Variants in MUC5B observed in about 807,000 individuals in gnomAD.
The protein encoded by MUC5B is mucin 5B, oligomeric mucus/gel-forming.
Under a neutral mutation model 376.9 loss-of-function variants are expected in MUC5B, and 116 were observed. The ratio of observed to expected loss-of-function variants is 0.31; its 90% CI spans 0.26 to 0.36. The LOEUF (loss-of-function observed/expected upper bound fraction) is 0.36. Among genes scored for constraint, MUC5B ranks in the 10% least tolerant of loss-of-function variants. The pLI, the probability that MUC5B is intolerant of heterozygous loss-of-function variation, is 1.00. For synonymous variants in MUC5B, 3,517 were observed against 3,390.9 expected (o/e 1.04, Z -1.29); for missense variants, 7,165 against 7,769.9 (o/e 0.92, Z 2.93).
chr11:1,251,498 C>T lies in MUC5B; in HGVS notation c.14618C>T (p.Thr4873Ile), dbSNP rs762438946. 14 of 1,613,252 alleles carry T rather than the reference C, an allele frequency of 8.7e-6. No individual in the cohort carries two copies. The African/African-American group carries it at 9.3e-5, about 11-fold the overall frequency. ...GCCACCGCCTCCTCCACTCTGGGAA[C>T]AGCTCACACCCCCAAAGTGGTGACC... is the stretch of plus-strand genomic sequence containing the variant. ...STATASSTLG[T>I]AHTPKVVTTM... is the part of the protein sequence containing the mutation. Residue 4873 changes from threonine (T) to isoleucine (I), a missense_variant, in exon 31 of 49, where the codon ACA becomes ATA. Thr to Ile is a moderately conservative substitution (Grantham distance 89). Around this residue, in one of 31 missense-constraint regions of MUC5B, gnomAD observed 730 missense variants for 592.7 expected, o/e 1.23. Transcript: ENST00000529681.
intron 34 of MUC5B, among the ~76,000 whole-genome samples, 164 bp downstream of exon 34, chr11:1,254,515 C>T (rs912416454): frequency 1.3e-5 from 2 of 152,194 alleles, no homozygotes; most frequent in African/African-American, 4.8e-5. Flanking sequence ...GCCGAGCGCA[C>T]CCTGTGGCCT....
chr11:1,224,743 G>A (rs113075314), intron 1 of MUC5B, among the ~76,000 whole-genome samples: 5 of 152,112 alleles, frequency 3.3e-5, no homozygotes, highest in South Asian at 2.1e-4. Context: ...CTCTGGAGGC[G>A]GCCCCTGTGG....
rs752167660 is a variant in MUC5B at position 1,249,463 on chromosome 11, C to A, written c.12583C>A (p.Leu4195Met). ...GELGQVVECS[L>M]DFGLVCRNRE... is the part of the protein sequence containing the mutation. ...GTTGGGCCAGGTCGTGGAATGCAGC[C>A]TGGACTTTGGCCTGGTCTGCAGGAA... The change falls in exon 31 of 49, where the codon CTG becomes ATG. Residue 4195 changes from leucine (L) to methionine (M), a missense_variant. Around this residue, in one of 31 missense-constraint regions of MUC5B, gnomAD observed 38 missense variants for 72.5 expected, o/e 0.52. Coordinates refer to ENST00000529681, the MANE Select transcript of MUC5B (RefSeq NM_002458.3). 1.9e-6 allele frequency: 3 copies of A among 1,611,350 alleles called. No homozygotes were observed. In the East Asian group the frequency reaches 6.7e-5, roughly 36 times the overall value.
At chr11:1,232,266 G>A in intron 15 of MUC5B, 106 bp downstream of exon 15, 1 of 1,402,044 alleles carries the variant, frequency 7.1e-7, no homozygotes, top group African/African-American at 1.4e-5. Context: ...GGGACCCCAT[G>A]GAGGCAGGTG....
rs1862757193 is a variant in MUC5B at position 1,253,513 on chromosome 11, C to G, written c.15217+533C>G. 6.6e-6 allele frequency among the ~76,000 whole-genome samples: 1 copy of G among 152,186 alleles called. No individual in the cohort carries two copies. The highest frequency in any genetic ancestry group is 2.4e-5 in the African/African-American group (1 of 41,432). On this transcript the variant is annotated intron_variant, in intron 33 of 48. Coordinates refer to ENST00000529681, the MANE Select transcript of MUC5B (RefSeq NM_002458.3). This position sits in a 1 kb window ranked among gnomAD's most constrained non-coding sequence, Gnocchi z 4.3. Reference sequence around the variant, plus strand: ...ACGGCGTTCTCACTCCTCCCCATGTCCTTGGCCCAGGGCTGCTGTTCCAAA... The same window carrying G: ...ACGGCGTTCTCACTCCTCCCCATGTGCTTGGCCCAGGGCTGCTGTTCCAAA...
At position 1,245,966 on chromosome 11, in the gene MUC5B, C is replaced by A. The variant is rs374036948; in HGVS notation, c.9086C>A (p.Ala3029Asp). The change falls in exon 31 of 49, where the codon GCC (alanine) becomes GAC (aspartate). Residue 3029 changes from alanine (A) to aspartate (D), a missense_variant. Transcript: ENST00000529681. ...APPPKVLTST[A>D]TTPTATSSKA... ...CCTCCCAAAGTGCTGACCAGCACGG[C>A]CACCACACCCACAGCCACCAGTTCC... 2 of 1,613,126 alleles carry A rather than the reference C, an allele frequency of 1.2e-6. No homozygotes were observed. The highest frequency in any genetic ancestry group is 1.7e-6 in the Non-Finnish European group (2 of 1,179,774).
At position 1,258,297 on chromosome 11, in the gene MUC5B, A is replaced by T. The variant is rs55954116; in HGVS notation, c.16556-33A>T. The T allele has an allele frequency of 0.04, 65,152 of 1,609,590 alleles. 2,093 individuals are homozygous for T. Among genetic ancestry groups the T allele is most frequent in the African/African-American group, 0.16 (12,285 of 74,916 alleles). On this transcript the variant is annotated intron_variant, in intron 42 of 48. Transcript: ENST00000529681. The surrounding 1 kb of genome is among the most constrained non-coding windows in gnomAD (Gnocchi z 5.5). ...GGCGCTGGAGCACATGCTCCCCACC[A>T]CTTGTCGAGGGCTTAGCTCCCTTTC...
chr11:1,231,163 A>T (rs902013334), intron 13 of MUC5B, among the ~76,000 whole-genome samples, 158 bp downstream of exon 13: 1 of 151,860 alleles, frequency 6.6e-6, no homozygotes, highest in South Asian at 2.1e-4. Flanking sequence ...CAGAGTGGGG[A>T]TGCCAGGCTC....
chr11:1,236,855 G>A, intron 24 of MUC5B, 70 bp from the exon 25 acceptor site: 8 of 1,396,650 alleles, frequency 5.7e-6, no homozygotes, highest in Non-Finnish European at 7.4e-6. Flanking sequence ...CCCAGGGTGG[G>A]CTCTGTGCTG....
Position 1,254,849 on chromosome 11 carries a change from C to A in MUC5B, c.15633C>A (p.Ser5211Arg). The change falls in exon 35 of 49, where the codon AGC becomes AGA. Residue 5211 changes from serine to arginine, a missense_variant. Physicochemically the swap from Ser to Arg is moderately radical, Grantham distance 110. Around this residue, in one of 31 missense-constraint regions of MUC5B, gnomAD observed 842 missense variants for 1,016.9 expected, o/e 0.83. Transcript: ENST00000529681. ...TCTTCCAGGCCCGGCTGCCCTACAG[C>A]CTCTTCCACAACAACACCGAGGGCC... ...GQVFQARLPYSLFHNNTEGQC... is the reference protein window; with the variant it reads ...GQVFQARLPYRLFHNNTEGQC... 1 of 1,612,176 alleles carries A rather than the reference C, an allele frequency of 6.2e-7. No homozygotes were observed. Among genetic ancestry groups the A allele is most frequent in the East Asian group, 2.2e-5 (1 of 44,882 alleles).
Position 1,240,410 on chromosome 11 carries a change from C to T in MUC5B, c.3970+35C>T, listed in dbSNP as rs2735733. 698,316 of 1,540,660 alleles carry T rather than the reference C, an allele frequency of 0.45. 161,191 individuals are homozygous for T. The highest frequency in any genetic ancestry group is 0.69 in the East Asian group (30,518 of 44,044). On this transcript the variant is annotated intron_variant, in intron 30 of 48. Transcript: ENST00000529681. ...GCCTGGCTCTCCTGAGGCCCAGTAC[C>T]GTCTGGGTGACAAGGAGGACCCCCT...
At chr11:1,261,366 TG>T in intron 48 of MUC5B, 22 bp from the exon 49 acceptor site, 1 of 1,532,546 alleles carries the variant, frequency 6.5e-7, no homozygotes. Context: ...GTGGCTGATG[TG>T]AGGGCCACCC....
chr11:1,234,485 AC>A lies in MUC5B; in HGVS notation c.2479-41del. ...CCCAGAGGGTGAGTGACATCTGCCCACCCTGGTGTCCAGCCCTGACCGGTAC... is the reference window on the plus strand; with the variant it reads ...CCCAGAGGGTGAGTGACATCTGCCCACCTGGTGTCCAGCCCTGACCGGTAC... On this transcript the variant is annotated intron_variant, in intron 20 of 48. Coordinates refer to ENST00000529681, the MANE Select transcript of MUC5B (RefSeq NM_002458.3). The surrounding 1 kb of genome is among the most constrained non-coding windows in gnomAD (Gnocchi z 6.3). 1.3e-6 allele frequency: 2 copies of A among 1,553,834 alleles called. No homozygotes were observed. Among genetic ancestry groups the A allele is most frequent in the South Asian group, 2.4e-5 (2 of 83,960 alleles).
chr11:1,242,405 A>G lies in MUC5B; in HGVS notation c.5525A>G (p.Gln1842Arg), dbSNP rs771855599. ...AENYPEVSID[Q>R]VGQVLTCSLE... is the part of the protein sequence containing the mutation. ...AACTACCCCGAGGTAAGCATCGACC[A>G]GGTCGGGCAGGTGCTGACCTGCAGC... Residue 1842 changes from glutamine (Q) to arginine (R), a missense_variant, in exon 31 of 49, where the codon CAG (glutamine) becomes CGG (arginine). Gln to Arg is a conservative substitution (Grantham distance 43). This residue lies in a region of MUC5B where 897 missense variants were observed against 779.6 expected (regional missense o/e 1.15). Coordinates refer to ENST00000529681, the MANE Select transcript of MUC5B (RefSeq NM_002458.3). 4 of 1,613,886 alleles carry G rather than the reference A, an allele frequency of 2.5e-6. No homozygotes were observed. Among genetic ancestry groups the G allele is most frequent in the Admixed American group, 3.3e-5 (2 of 60,010 alleles).
At chr11:1,259,879 C>T in intron 45 of MUC5B, 37 bp downstream of exon 45, 1 of 1,611,886 alleles carries the variant, frequency 6.2e-7, no homozygotes, top group Non-Finnish European at 8.5e-7. Context: ...GTCTCAGCTC[C>T]CTCCCTGGAG....
At chr11:1,259,111 C>T in intron 44 of MUC5B, 50 bp downstream of exon 44, 1 of 1,520,288 alleles carries the variant, frequency 6.6e-7, no homozygotes, top group Non-Finnish European at 8.8e-7. Flanking sequence ...GCACCTGCCC[C>T]CAAGTGAGAC....
intron 1 of MUC5B, among the ~76,000 whole-genome samples, chr11:1,224,301 T>C (rs1234431624): frequency 6.6e-6 from 1 of 152,098 alleles, no homozygotes; most frequent in Non-Finnish European, 1.5e-5. Context: ...AAGGCAGCCC[T>C]GCACAGAGCA....
intron 9 of MUC5B, 39 bp from the exon 10 acceptor site, chr11:1,229,651 C>G: frequency 1.3e-6 from 2 of 1,501,334 alleles, no homozygotes; most frequent in East Asian, 2.5e-5. Context: ...TGGTGTCCCC[C>G]GTGCATGGGC....
chr11:1,226,571 G>C (rs756741044), intron 3 of MUC5B, 44 bp from the exon 4 acceptor site: 66 of 1,577,206 alleles, frequency 4.2e-5, no homozygotes, highest in African/African-American at 1.4e-5. Context: ...GCTACCCCGT[G>C]GGGGGCTGGC....
Sources: gnomAD v4.1 joint callset for allele counts (sites outside exome capture counted in the v4.1 genomes callset) on GRCh38, gnomAD v4.1.1 for gene constraint, gnomAD v4.1.1 regional missense constraint, Gnocchi (gnomAD v3.1) non-coding constraint, MANE v1.5 for transcripts, NCBI Gene and HGNC (gene_info 2026-07-23, HGNC 2026-07-21) for gene names.